The following CCDC171 variants were observed in gnomAD, a reference collection of about 807,000 sequenced individuals.
The protein encoded by CCDC171 is coiled-coil domain containing 171, also known as coiled-coil domain-containing protein 171.
In CCDC171, 177 loss-of-function variants were observed where a neutral mutation model predicts 168.2. The ratio of observed to expected loss-of-function variants is 1.05; its 90% CI spans 0.93 to 1.19. The LOEUF is 1.19. Ranked by LOEUF, CCDC171 falls within the 50% of genes most tolerant of loss-of-function variation. The probability of loss-of-function intolerance (pLI) is 0.00; values close to 1 mark genes in which losing one functional copy is unlikely to be tolerated. For missense variants in CCDC171, 1,991 were observed against 1,539.0 expected (o/e 1.29, Z -4.91); for synonymous variants, 687 against 540.8 (o/e 1.27, Z -3.75).
intron 6 of CCDC171, among the ~76,000 whole-genome samples, chr9:15,602,632 C>CTTT (rs1050799184): frequency 6.1e-4 from 19 of 31,024 alleles, no homozygotes; most frequent in African/African-American, 7.7e-4. Context: ...TTTCTCATTT[C>CTTT]TTTTTTTTTT....
Position 15,872,071 on chromosome 9 carries a change from C to T in CCDC171, c.3469-2461C>T, listed in dbSNP as rs73422762. Among the ~76,000 whole-genome samples the T allele has an allele frequency of 7.2e-3, 1,090 of 151,984 alleles. 11 individuals carry two copies. Among genetic ancestry groups the T allele is most frequent in the African/African-American group, 0.025 (1,034 of 41,510 alleles). On this transcript the variant is annotated intron_variant, in intron 23 of 25. Transcript: ENST00000380701. ...TTTAGTAGAAGTATTTGTGATATTG[C>T]ATCTATTATATATCATGGGTCTCTC...
chr9:15,749,608 T>C (rs1250807138), intron 18 of CCDC171, among the ~76,000 whole-genome samples: 1 of 152,070 alleles, frequency 6.6e-6, no homozygotes, highest in Non-Finnish European at 1.5e-5. Context: ...AGAACAGAAA[T>C]CACAACAAAC....
chr9:15,695,188 C>A, intron 10 of CCDC171, 47 bp from the exon 11 acceptor site: 1 of 1,224,494 alleles, frequency 8.2e-7, no homozygotes, highest in Non-Finnish European at 1.2e-6. Context: ...AAATATGCAG[C>A]TCTTATAATA....
intron 7 of CCDC171, among the ~76,000 whole-genome samples, chr9:15,649,363 A>G (rs980537525): frequency 1.3e-4 from 20 of 152,350 alleles, no homozygotes; most frequent in African/African-American, 4.6e-4. Context: ...CTAAAACACC[A>G]AAAGCAATGG....
intron 4 of CCDC171, among the ~76,000 whole-genome samples, chr9:15,589,553 G>A (rs2041835495): frequency 6.6e-6 from 1 of 152,168 alleles, no homozygotes; most frequent in African/African-American, 2.4e-5. Context: ...CATCAAATGA[G>A]GACTTCATTG....
At chr9:15,583,355 T>A (rs1008066248) in intron 4 of CCDC171, among the ~76,000 whole-genome samples, 5 of 142,726 alleles carry the variant, frequency 3.5e-5, no homozygotes, top group African/African-American at 1.3e-4. Flanking sequence ...GAGGTTGCAG[T>A]GAGCCAAGAT....
intron 3 of CCDC171, among the ~76,000 whole-genome samples, chr9:15,981,146 A>T (rs1576171): frequency 0.5 from 75,373 of 152,002 alleles, 20,056 homozygotes; most frequent in African/African-American, 0.7. Flanking sequence ...AAGATGAGAT[A>T]TGGCTGGGGA....
intron 21 of CCDC171, among the ~76,000 whole-genome samples, chr9:15,829,371 A>G (rs1173269490): frequency 6.6e-6 from 1 of 152,220 alleles, no homozygotes; most frequent in Non-Finnish European, 1.5e-5. Flanking sequence ...TGAAATTTAC[A>G]GAAATTAGGA....
At chr9:15,687,724 A>G (rs1247348933) in intron 10 of CCDC171, among the ~76,000 whole-genome samples, 14 of 152,364 alleles carry the variant, frequency 9.2e-5, no homozygotes, top group Non-Finnish European at 1.9e-4. Flanking sequence ...AGAAATAGAA[A>G]TAATTGTAAG....
At chr9:15,671,996 T>A in intron 9 of CCDC171, among the ~76,000 whole-genome samples, 1 of 152,206 alleles carries the variant, frequency 6.6e-6, no homozygotes, top group Non-Finnish European at 1.5e-5. Context: ...TTTCTCCACA[T>A]CCTCTCCAGC....
chr9:15,938,374 AC>A (rs906288870), intron 25 of CCDC171, among the ~76,000 whole-genome samples: 6 of 151,996 alleles, frequency 3.9e-5, no homozygotes, highest in African/African-American at 1.4e-4. Flanking sequence ...CTGTGCATAC[AC>A]TATTAATAGA....
At chr9:16,074,964 A>G in the CCDC171 span, among the ~76,000 whole-genome samples, 2 of 152,194 alleles carry the variant, frequency 1.3e-5, no homozygotes, top group South Asian at 4.1e-4. Context: ...AGGTGTGTCA[A>G]ACTGTTTTCT....
At position 16,017,940 on chromosome 9, in the gene CCDC171, CCAAACAATACTG is replaced by C. The variant is rs149090313; in HGVS notation, n.369-2646_369-2635del. Among the ~76,000 whole-genome samples, 670 of 152,292 alleles carry C rather than the reference CCAAACAATACTG, an allele frequency of 4.4e-3. 10 individuals carry two copies. The highest frequency in any genetic ancestry group is 0.034 in the East Asian group (175 of 5,188). ...CAATGGAGAAGCTACTATAGGAGAA[CCAAACAATACTG>C]CAGCAATTGCTGGTGGAAATGACAG... On this transcript the variant is annotated intron_variant and non_coding_transcript_variant, in intron 3 of 9. Transcript: ENST00000486641.
At chr9:15,948,407 T>A in intron 25 of CCDC171, among the ~76,000 whole-genome samples, 1 of 138,054 alleles carries the variant, frequency 7.2e-6, no homozygotes. Context: ...CCACACTGAC[T>A]TCCACAATGG....
intron 21 of CCDC171, among the ~76,000 whole-genome samples, chr9:15,799,927 A>G (rs569243892): frequency 3.3e-5 from 5 of 152,200 alleles, no homozygotes; most frequent in Non-Finnish European, 2.9e-5. Flanking sequence ...CTCCAGTTCC[A>G]TCTATGTTGT....
chr9:15,783,543 C>T (rs1319709182), intron 20 of CCDC171, among the ~76,000 whole-genome samples: 2 of 152,134 alleles, frequency 1.3e-5, no homozygotes, highest in African/African-American at 2.4e-5. Context: ...TGGCCTGAAT[C>T]GTTCCTTTGA....
chr9:16,012,125 A>C (rs186958677), intron 3 of CCDC171, among the ~76,000 whole-genome samples: 2 of 152,342 alleles, frequency 1.3e-5, no homozygotes, highest in East Asian at 3.9e-4. Flanking sequence ...AATTCTGGCT[A>C]ACCAGGACTT....
At chr9:16,057,925 G>A (rs1049094648) in intron 1 of CCDC171, among the ~76,000 whole-genome samples, 3 of 152,170 alleles carry the variant, frequency 2.0e-5, no homozygotes, top group Admixed American at 6.5e-5. Flanking sequence ...TGAGCAGCAG[G>A]CAGCAGTGCA....
intron 23 of CCDC171, among the ~76,000 whole-genome samples, chr9:15,863,663 A>T (rs1483686338): frequency 6.6e-6 from 1 of 151,968 alleles, no homozygotes; most frequent in Non-Finnish European, 1.5e-5. Flanking sequence ...CTATAACTTT[A>T]TATGCACATT....
Sources: gnomAD v4.1 joint callset for allele counts (sites outside exome capture counted in the v4.1 genomes callset) on GRCh38, gnomAD v4.1.1 for gene constraint, MANE v1.5 for transcripts, NCBI Gene and HGNC (gene_info 2026-07-23, HGNC 2026-07-21) for gene names.